Variants in CATSPER2 observed in about 807,000 individuals in gnomAD.
CATSPER2 encodes the protein cation channel sperm-associated protein 2.
A neutral mutation model predicts 68.8 loss-of-function variants in CATSPER2; 56 were observed. The observed-to-expected ratio is 0.81, with a 90% CI of 0.66 to 1.02. The LOEUF (loss-of-function observed/expected upper bound fraction) is 1.02. Among genes scored for constraint, CATSPER2 ranks in the 50% least tolerant of loss-of-function variants. CATSPER2 has a pLI of 0.00. For missense variants in CATSPER2, 582 were observed against 642.0 expected (o/e 0.91, Z 1.01); for synonymous variants, 198 against 229.9 (o/e 0.86, Z 1.26).
chr15:43,647,932 T>C lies in CATSPER2; in HGVS notation c.130A>G (p.Ile44Val), dbSNP rs201170950. The C allele has an allele frequency of 2.2e-5, 36 of 1,613,552 alleles. 1 individual carries two copies. Among genetic ancestry groups the C allele is most frequent in the Admixed American group, 6.7e-5 (4 of 59,978 alleles). The change falls in exon 2 of 13, where the codon ATC (isoleucine) becomes GTC (valine). Residue 44 changes from isoleucine to valine, a missense_variant. By Grantham distance (29) the Ile-to-Val change is conservative. Coordinates refer to ENST00000396879, the MANE Select transcript of CATSPER2 (RefSeq NM_172095.4). The part of the protein sequence containing the change: ...GLSQAVPRHT[I>V]RELLDPSRQK... ...GGCTGCTGACCAAGTAACTCCCTGATAGTGTGCCGCGGCACAGCTTGGCTC... is the reference window on the plus strand; with the variant it reads ...GGCTGCTGACCAAGTAACTCCCTGACAGTGTGCCGCGGCACAGCTTGGCTC...
rs1268092857 is a variant in CATSPER2 at position 43,648,824 on chromosome 15, C to G, written c.-198G>C. The G allele has an allele frequency of 6.5e-7, 1 of 1,533,230 alleles. No individual in the cohort carries two copies. Among genetic ancestry groups the G allele is most frequent in the Non-Finnish European group, 8.7e-7 (1 of 1,143,914 alleles). 95.0% of individuals were successfully genotyped at this position (1,533,230 alleles called of 1,614,324 possible). On this transcript the variant is annotated 5_prime_UTR_variant, in exon 1 of 13. Transcript: ENST00000396879. Reference sequence around the variant, plus strand: ...ACCCGGCCCTAGCCCCTACCCACAGCCCAGGACCATGCGGAGCAACGCTCG... The same window carrying G: ...ACCCGGCCCTAGCCCCTACCCACAGGCCAGGACCATGCGGAGCAACGCTCG...
intron 4 of CATSPER2, 38 bp downstream of exon 4, chr15:43,647,012 C>T (rs369505313): frequency 1.7e-5 from 27 of 1,561,474 alleles, no homozygotes; most frequent in Non-Finnish European, 2.0e-5. Context: ...CCGGCGTGCC[C>T]GGCCTCACTT....
intron 6 of CATSPER2, chr15:43,639,296 G>T: frequency 2.1e-6 from 1 of 470,248 alleles, no homozygotes; most frequent in Non-Finnish European, 3.8e-6. Flanking sequence ...CTAGGCTAGA[G>T]TGCAGTGGCG....
At position 43,648,015 on chromosome 15, in the gene CATSPER2, T is replaced by C; in HGVS notation, c.47A>G (p.Asp16Gly). 1 of 1,613,556 alleles carries C rather than the reference T, an allele frequency of 6.2e-7. No individual in the cohort carries two copies. The change falls in exon 2 of 13, where the codon GAT becomes GGT. Residue 16 changes from aspartate (D) to glycine (G), a missense_variant. Asp to Gly is a moderately conservative substitution (Grantham distance 94). Coordinates refer to ENST00000396879, the MANE Select transcript of CATSPER2 (RefSeq NM_172095.4). Reference protein sequence around the residue: ...QEEQMQLPRADAIRSRLIDTF... With the variant: ...QEEQMQLPRAGAIRSRLIDTF... ...ATCGATGAGACGTGAACGAATGGCA[T>C]CAGCTCGGGGAAGCTGCATCTGCTC...
chr15:43,640,983 C>T (rs1489511470), intron 4 of CATSPER2, among the ~76,000 whole-genome samples: 2 of 151,794 alleles, frequency 1.3e-5, no homozygotes, highest in East Asian at 3.9e-4. Context: ...AACAATAAAT[C>T]ACTTGGTTCT....
rs1400373808 is a variant in CATSPER2, at chr15:43,644,901, C to T, written c.388+2149G>A. ...GCCATGCAAGGCAAATACATGGCAG[C>T]AATCATACAATAAAAGGGAATTATA... On this transcript the variant is annotated intron_variant, in intron 4 of 12. Transcript: ENST00000396879. Among the ~76,000 whole-genome samples the T allele has an allele frequency of 2.6e-5, 4 of 151,948 alleles. 1 individual carries two copies. Among genetic ancestry groups the T allele is most frequent in the African/African-American group, 9.7e-5 (4 of 41,350 alleles).
chr15:43,632,322 C>G lies in CATSPER2; in HGVS notation c.1438G>C (p.Gly480Arg). ...TCATCCTGATCCATTTCCATTAGCC[C>G]GGGCAGATTTTCGTGCACAAGAGTC... ...WETLVHENLP[G>R]LMEMDQDDRV... The change falls in exon 12 of 13, where the codon GGG becomes CGG. Residue 480 changes from glycine to arginine, a missense_variant. Coordinates refer to ENST00000396879, the MANE Select transcript of CATSPER2 (RefSeq NM_172095.4). The G allele has an allele frequency of 1.2e-6, 2 of 1,613,638 alleles. No individual in the cohort carries two copies. Among genetic ancestry groups the G allele is most frequent in the African/African-American group, 1.3e-5 (1 of 74,892 alleles).
At chr15:43,641,777 C>T (rs564767695) in intron 4 of CATSPER2, among the ~76,000 whole-genome samples, 6 of 152,134 alleles carry the variant, frequency 3.9e-5, no homozygotes, top group East Asian at 1.9e-4. Context: ...TGCATAATCA[C>T]GGTTCACGGA....
intron 5 of CATSPER2, 173 bp from the exon 6 acceptor site, chr15:43,639,971 T>C: frequency 6.7e-7 from 1 of 1,482,208 alleles, no homozygotes; most frequent in Admixed American, 2.3e-5. Context: ...AACACTATAC[T>C]TAAACTTGTT....
In CATSPER2 at chr15:43,630,030, A is replaced by G. The variant is rs1389727116; in HGVS notation, c.*671T>C. 1 of 152,772 alleles carries G rather than the reference A, an allele frequency of 6.5e-6. No individual in the cohort carries two copies. Among genetic ancestry groups the G allele is most frequent in the East Asian group, 1.9e-4 (1 of 5,194 alleles). The allele number at this position is 152,772 out of a possible 1,614,324, so 9.5% of individuals were successfully genotyped here. On this transcript the variant is annotated 3_prime_UTR_variant, in exon 13 of 13. Transcript: ENST00000396879. ...AGAGGTTGCAGGAAGGGTGGAAGCT[A>G]TAATGATAAAGTCAAGAAATGAGTC...
chr15:43,629,834 C>G lies in CATSPER2; in HGVS notation c.*867G>C, dbSNP rs1408834692. The G allele has an allele frequency of 6.6e-6, 1 of 151,646 alleles. No individual in the cohort carries two copies. The highest frequency in any genetic ancestry group is 6.6e-5 in the Admixed American group (1 of 15,202). The allele number at this position is 151,646 out of a possible 1,614,324, so 9.4% of individuals were successfully genotyped here. A position where few individuals can be genotyped will look rare whatever the true frequency, so the allele number is the denominator to read the frequency against. Reference sequence around the variant, plus strand: ...TCCAGAAACAGGTAAAAATAATATCCAATTAAAGTTAATGGTTCACAAGAG... The same window carrying G: ...TCCAGAAACAGGTAAAAATAATATCGAATTAAAGTTAATGGTTCACAAGAG... On this transcript the variant is annotated 3_prime_UTR_variant, in exon 13 of 13. Coordinates refer to ENST00000396879, the MANE Select transcript of CATSPER2 (RefSeq NM_172095.4).
rs71460446 is a variant in CATSPER2, at chr15:43,638,286, C to CTT, written c.842+616_842+617dup. On this transcript the variant is annotated intron_variant, in intron 7 of 12. Transcript: ENST00000396879. ...ATTTTTCTTTTCTTTTTCTTTCTTTCTTTTTTTTTTTTTTTTTTTTTGAGA... is the reference window on the plus strand; with the variant it reads ...ATTTTTCTTTTCTTTTTCTTTCTTTCTTTTTTTTTTTTTTTTTTTTTTTGAGA... 2.1e-3 allele frequency among the ~76,000 whole-genome samples: 169 copies of CTT among 81,824 alleles called. 5 individuals are homozygous for CTT. Among genetic ancestry groups the CTT allele is most frequent in the African/African-American group, 9.0e-3 (119 of 13,280 alleles). The allele number at this position is 81,824 out of a possible 152,430, so 53.7% of individuals were successfully genotyped here.
At chr15:43,636,883 C>T (rs563300499) in intron 7 of CATSPER2, among the ~76,000 whole-genome samples, 214 of 150,046 alleles carry the variant, frequency 1.4e-3, no homozygotes, top group Non-Finnish European at 1.6e-3. Flanking sequence ...GCTGGAGTTG[C>T]GTGATCTCAG....
chr15:43,632,872 G>A lies in CATSPER2; in HGVS notation c.1241C>T (p.Ser414Phe). 1 of 1,611,704 alleles carries A rather than the reference G, an allele frequency of 6.2e-7. No individual in the cohort carries two copies. The highest frequency in any genetic ancestry group is 1.1e-5 in the South Asian group (1 of 90,950). The change falls in exon 11 of 13, where the codon TCT becomes TTT. Residue 414 changes from serine (S) to phenylalanine (F), a missense_variant. Transcript: ENST00000396879. ...LDLSEVSEVE[S>F]NYGATEEDLI... ...ATCCTCTTCAGTGGCACCATAATTA[G>A]ACTCTACTTCAGACACTTCTGATAA...
chr15:43,633,201 C>T, intron 10 of CATSPER2: 1 of 470,964 alleles, frequency 2.1e-6, no homozygotes, highest in Non-Finnish European at 3.9e-6. Flanking sequence ...CTCACTGCCA[C>T]CACTCTGGCC....
In CATSPER2 at chr15:43,648,823, G is replaced by T; in HGVS notation, c.-197C>A. On this transcript the variant is annotated 5_prime_UTR_variant, in exon 1 of 13. In the 5' UTR this introduces an upstream ATG that the reference lacks. Coordinates refer to ENST00000396879, the MANE Select transcript of CATSPER2 (RefSeq NM_172095.4). ...GACCCGGCCCTAGCCCCTACCCACAGCCCAGGACCATGCGGAGCAACGCTC... is the reference window on the plus strand; with the variant it reads ...GACCCGGCCCTAGCCCCTACCCACATCCCAGGACCATGCGGAGCAACGCTC... 6.5e-7 allele frequency: 1 copy of T among 1,532,520 alleles called. No homozygotes were observed. The highest frequency in any genetic ancestry group is 8.7e-7 in the Non-Finnish European group (1 of 1,143,650). 94.9% of individuals were successfully genotyped at this position (1,532,520 alleles called of 1,614,324 possible).
chr15:43,646,596 C>T (rs1362218140), intron 4 of CATSPER2, among the ~76,000 whole-genome samples: 5 of 151,634 alleles, frequency 3.3e-5, no homozygotes, highest in Admixed American at 6.6e-5. Flanking sequence ...ATAAATTCTA[C>T]TCCAGGAGGC....
In CATSPER2 at chr15:43,648,669, C is replaced by T. The variant is rs2086219061; in HGVS notation, c.-43G>A. On this transcript the variant is annotated 5_prime_UTR_variant, in exon 1 of 13. The change creates a new upstream start codon in the 5' untranslated region. Transcript: ENST00000396879. ...CTTTGCCCACTCAGTCCTTATTTCA[C>T]GCTTCCGCCTCCAGCTCAGGTGCCC... 2.1e-6 allele frequency: 3 copies of T among 1,421,346 alleles called. No homozygotes were observed. Among genetic ancestry groups the T allele is most frequent in the African/African-American group, 1.5e-5 (1 of 67,284 alleles). 88.0% of individuals were successfully genotyped at this position (1,421,346 alleles called of 1,614,324 possible).
intron 7 of CATSPER2, among the ~76,000 whole-genome samples, chr15:43,638,289 T>TCTTTTTTTTTC (rs58177751): frequency 1.1e-5 from 1 of 94,732 alleles, no homozygotes; most frequent in East Asian, 2.2e-4. Flanking sequence ...TTTCTTTCTT[T>TCTTTTTTTTTC]TTTTTTTTTT....
Sources: allele counts gnomAD v4.1 joint callset (sites outside exome capture counted in the v4.1 genomes callset), GRCh38; gene constraint gnomAD v4.1.1; transcripts MANE v1.5; gene names NCBI Gene and HGNC (gene_info 2026-07-23, HGNC 2026-07-21).